The following ZSCAN5A variants were observed in gnomAD, a reference collection of about 807,000 sequenced individuals.
The protein encoded by ZSCAN5A is zinc finger and SCAN domain containing 5A, also known as zinc finger and SCAN domain-containing protein 5A.
A neutral mutation model predicts 23.7 loss-of-function variants in ZSCAN5A; 12 were observed. The ratio of observed to expected loss-of-function variants is 0.51; its 90% CI spans 0.32 to 0.82. ZSCAN5A has a LOEUF of 0.82. ZSCAN5A is among the 40% of genes least tolerant of loss of function. The pLI is 0.03. For missense variants in ZSCAN5A, 597 were observed against 617.9 expected, an observed-to-expected ratio of 0.97 and a Z score of 0.36; for synonymous variants, 257 against 239.9, an observed-to-expected ratio of 1.07 and a Z score of -0.66.
At chr19:56,242,715 C>T (rs1421143354) in intron 2 of ZSCAN5A, among the ~76,000 whole-genome samples, 1 of 152,240 alleles carries the variant, frequency 6.6e-6, no homozygotes. Context: ...TGGAGAGTAT[C>T]ACACAGTGTG....
At chr19:56,241,973 T>A (rs908151542) in intron 2 of ZSCAN5A, among the ~76,000 whole-genome samples, 4 of 152,212 alleles carry the variant, frequency 2.6e-5, no homozygotes, top group Non-Finnish European at 5.9e-5. Flanking sequence ...AGGTAGTTTT[T>A]CAACCCTCCC....
intron 2 of ZSCAN5A, among the ~76,000 whole-genome samples, chr19:56,268,435 C>G (rs1052826069): frequency 6.6e-6 from 1 of 152,228 alleles, no homozygotes; most frequent in South Asian, 2.1e-4. Flanking sequence ...GTAGAAGCCT[C>G]AGATGCTGCT....
rs2041673934 is a variant in ZSCAN5A at position 56,352,537 on chromosome 19, G to A, written c.-358+10698C>T. 6.6e-6 allele frequency among the ~76,000 whole-genome samples: 1 copy of A among 152,214 alleles called. No homozygotes were observed. Among genetic ancestry groups the A allele is most frequent in the South Asian group, 2.1e-4 (1 of 4,826 alleles). On this transcript the variant is annotated intron_variant, in intron 2 of 6. Coordinates refer to the ZSCAN5A transcript ENST00000587340. The surrounding 1 kb of genome is among the most constrained non-coding windows in gnomAD (Gnocchi z 4.2). ...ATTCTGACACTTGGGTAAATGGTGA[G>A]GAAGAATATTCAAGACAATTGCAAC...
chr19:56,305,105 G>C (rs2040596992), intron 2 of ZSCAN5A, among the ~76,000 whole-genome samples: 1 of 152,114 alleles, frequency 6.6e-6, no homozygotes, highest in Non-Finnish European at 1.5e-5. Flanking sequence ...ACAAGTCTTA[G>C]GACTTGTGGC....
chr19:56,302,712 T>A, intron 2 of ZSCAN5A: 2 of 236,860 alleles, frequency 8.4e-6, no homozygotes, highest in Non-Finnish European at 1.6e-5. Context: ...TCTTTCCTTC[T>A]TCCCTCCCTC....
intron 2 of ZSCAN5A, among the ~76,000 whole-genome samples, chr19:56,241,865 C>G (rs2116936): frequency 0.53 from 80,709 of 151,982 alleles, 21,688 homozygotes; most frequent in Middle Eastern, 0.66. Context: ...TTTAGATTCG[C>G]TGGGTGCCTG....
rs2041673800 is a variant in ZSCAN5A, at chr19:56,352,498, G to A, written c.-358+10737C>T. On this transcript the variant is annotated intron_variant, in intron 2 of 6. Transcript: ENST00000587340. The surrounding 1 kb of genome is among the most constrained non-coding windows in gnomAD (Gnocchi z 4.2). The stretch of plus-strand genomic sequence containing the variant: ...GAGCGTGAATGTGAGACTGTTAGAT[G>A]TAAAAGAAAAAATATTCTGACACTT... Among the ~76,000 whole-genome samples the A allele has an allele frequency of 6.6e-6, 1 of 152,162 alleles. No individual in the cohort carries two copies. Among genetic ancestry groups the A allele is most frequent in the South Asian group, 2.1e-4 (1 of 4,824 alleles).
rs544761194 is a variant in ZSCAN5A at position 56,349,642 on chromosome 19, T to C, written c.-358+13593A>G. On this transcript the variant is annotated intron_variant, in intron 2 of 6. Transcript: ENST00000587340. ...ATCGCTTGAACCCGGGAGGTGGAGG[T>C]TGCAGTTAGCCAAGATCACACCACT... is the stretch of plus-strand genomic sequence containing the variant. Among the ~76,000 whole-genome samples, 128 of 140,424 alleles carry C rather than the reference T, an allele frequency of 9.1e-4. 4 individuals are homozygous for C. In the East Asian group the frequency reaches 0.024, roughly 26 times the overall value. The allele number at this position is 140,424 out of a possible 152,430, so 92.1% of individuals were successfully genotyped here.
intron 2 of ZSCAN5A, among the ~76,000 whole-genome samples, chr19:56,244,579 G>T (rs555026068): frequency 3.4e-5 from 4 of 116,670 alleles, no homozygotes; most frequent in Non-Finnish European, 7.5e-5. Context: ...GCAGTGTCTG[G>T]GGACAGTTTT....
intron 2 of ZSCAN5A, chr19:56,338,474 C>T (rs1259731777): frequency 1.3e-5 from 2 of 152,128 alleles, no homozygotes; most frequent in African/African-American, 4.8e-5. Context: ...AGGAAAGCCA[C>T]CCAGATACTG....
At chr19:56,293,028 T>A (rs866291221) in intron 2 of ZSCAN5A, among the ~76,000 whole-genome samples, 10 of 152,330 alleles carry the variant, frequency 6.6e-5, no homozygotes, top group South Asian at 2.1e-4. Flanking sequence ...TTGGTCCACA[T>A]TCAAAGCCAT....
In ZSCAN5A at chr19:56,223,837, G is replaced by T; in HGVS notation, c.385-3C>A. 1 of 1,608,656 alleles carries T rather than the reference G, an allele frequency of 6.2e-7. No homozygotes were observed. The highest frequency in any genetic ancestry group is 8.5e-7 in the Non-Finnish European group (1 of 1,179,260). Reference sequence around the variant, plus strand: ...TTTCCGTGGAAGGTGACCACAGACTGTAGAGAGAAAAAAGACAATCAGACT... The same window carrying T: ...TTTCCGTGGAAGGTGACCACAGACTTTAGAGAGAAAAAAGACAATCAGACT... On this transcript the variant is annotated splice_polypyrimidine_tract_variant and splice_region_variant and intron_variant, in intron 3 of 5. Transcript: ENST00000683990.
At chr19:56,278,163 C>T (rs1600163628) in intron 2 of ZSCAN5A, among the ~76,000 whole-genome samples, 1 of 151,684 alleles carries the variant, frequency 6.6e-6, no homozygotes, top group East Asian at 1.9e-4. Context: ...GCTCTGTCGC[C>T]CAGGCTGGAA....
intron 2 of ZSCAN5A, chr19:56,247,003 C>T (rs755656921): frequency 7.6e-6 from 9 of 1,190,960 alleles, no homozygotes; most frequent in East Asian, 2.3e-5. Context: ...TTCCCCAGGC[C>T]CTGCAGGTGC....
chr19:56,308,352 C>T (rs2040834956), intron 2 of ZSCAN5A, among the ~76,000 whole-genome samples: 2 of 140,012 alleles, frequency 1.4e-5, no homozygotes, highest in African/African-American at 5.3e-5. Context: ...GAGATGGAGG[C>T]TCACTCTGTC....
chr19:56,341,857 C>T (rs1216577579), intron 2 of ZSCAN5A, among the ~76,000 whole-genome samples: 2 of 151,828 alleles, frequency 1.3e-5, no homozygotes, highest in African/African-American at 4.8e-5. Context: ...CTTATATGAC[C>T]TGAAAATGAG....
chr19:56,222,111 C>T lies in ZSCAN5A; in HGVS notation c.955G>A (p.Val319Met), dbSNP rs1457835463. The T allele has an allele frequency of 6.2e-7, 1 of 1,614,148 alleles. No homozygotes were observed. The highest frequency in any genetic ancestry group is 1.7e-5 in the Admixed American group (1 of 60,008). Reference sequence around the variant, plus strand: ...TGTCCCGGGGATTCTCTGTTGCCCACAGGTGTGGCTTCTCCTTGAGGCTCT... The same window carrying T: ...TGTCCCGGGGATTCTCTGTTGCCCATAGGTGTGGCTTCTCCTTGAGGCTCT... Reference protein sequence around the residue: ...QEEPQGEATPVGNRESPGQAG... With the variant: ...QEEPQGEATPMGNRESPGQAG... Residue 319 changes from valine (V) to methionine (M), a missense_variant, in exon 6 of 6, where the codon GTG (valine) becomes ATG (methionine). Val to Met is a conservative substitution (Grantham distance 21). Transcript: ENST00000683990.
intron 2 of ZSCAN5A, chr19:56,284,015 C>G (rs2147089632): frequency 5.8e-6 from 1 of 171,918 alleles, no homozygotes; most frequent in Non-Finnish European, 1.2e-5. Flanking sequence ...TAGTCCCTGA[C>G]TGCTCACCAT....
At chr19:56,261,491 T>C (rs1906134028) in intron 2 of ZSCAN5A, among the ~76,000 whole-genome samples, 1 of 152,108 alleles carries the variant, frequency 6.6e-6, no homozygotes, top group Non-Finnish European at 1.5e-5. Flanking sequence ...CTAATTTTCT[T>C]TAGAGAGAAC....
Sources: allele counts gnomAD v4.1 joint callset (sites outside exome capture counted in the v4.1 genomes callset), GRCh38; gene constraint gnomAD v4.1.1; non-coding constraint Gnocchi (gnomAD v3.1); transcripts MANE v1.5; gene names NCBI Gene and HGNC (gene_info 2026-07-23, HGNC 2026-07-21).